Variants in PHGDH observed in about 807,000 individuals in gnomAD.
PHGDH encodes phosphoglycerate dehydrogenase.
A neutral mutation model predicts 52.6 loss-of-function variants in PHGDH; 50 were observed. That is an observed-to-expected ratio of 0.95 (90% confidence interval 0.76 to 1.20). The LOEUF is 1.20. Among genes scored for constraint, PHGDH ranks in the 50% most tolerant of loss-of-function variants. The probability of loss-of-function intolerance (pLI) is 0.00; values close to 1 mark genes in which losing one functional copy is unlikely to be tolerated. For synonymous variants in PHGDH, 271 were observed against 280.5 expected (o/e 0.97, Z 0.34); for missense variants, 630 against 684.6 (o/e 0.92, Z 0.89).
intron 11 of PHGDH, 30 bp from the exon 12 acceptor site, chr1:119,743,856 G>A: frequency 6.3e-7 from 1 of 1,599,020 alleles, no homozygotes; most frequent in South Asian, 1.1e-5. Flanking sequence ...CCTATCCCCT[G>A]TGCCAACCAG....
chr1:119,717,864 A>G (rs1650999608), intron 1 of PHGDH, among the ~76,000 whole-genome samples: 1 of 152,164 alleles, frequency 6.6e-6, no homozygotes, highest in Non-Finnish European at 1.5e-5. Flanking sequence ...ATTTTCAGGC[A>G]TGTGAAGTGT....
At chr1:119,718,220 G>T (rs1450027310) in intron 1 of PHGDH, among the ~76,000 whole-genome samples, 1 of 152,200 alleles carries the variant, frequency 6.6e-6, no homozygotes, top group Non-Finnish European at 1.5e-5. Flanking sequence ...GTATTTGGAA[G>T]GTAGTTGGAA....
At chr1:119,728,468 A>G (rs1651545608) in intron 5 of PHGDH, among the ~76,000 whole-genome samples, 2 of 152,196 alleles carry the variant, frequency 1.3e-5, no homozygotes, top group African/African-American at 2.4e-5. Context: ...TGTAGAGCCT[A>G]TGGTGGCTGG....
At chr1:119,734,531 A>T in intron 5 of PHGDH, 103 bp from the exon 6 acceptor site, 1 of 1,030,404 alleles carries the variant, frequency 9.7e-7, no homozygotes, top group East Asian at 2.4e-5. Context: ...TGAGCATGGT[A>T]GTTAGTATAT....
At chr1:119,716,748 T>A (rs1053591142) in intron 1 of PHGDH, among the ~76,000 whole-genome samples, 10 of 152,118 alleles carry the variant, frequency 6.6e-5, no homozygotes, top group Non-Finnish European at 1.5e-4. Context: ...GGAGGTTGTG[T>A]TTCCTCAGTG....
In PHGDH at chr1:119,737,968, C is replaced by T. The variant is rs182857010; in HGVS notation, c.945+702C>T. Reference sequence around the variant, plus strand: ...GGAGGCATAGCTCTCCTTCCAGGGGCTTGCTGCCTCCTTCTGAAGTCTTGC... The same window carrying T: ...GGAGGCATAGCTCTCCTTCCAGGGGTTTGCTGCCTCCTTCTGAAGTCTTGC... On this transcript the variant is annotated intron_variant, in intron 8 of 11. Coordinates refer to ENST00000641023, the MANE Select transcript of PHGDH (RefSeq NM_006623.4). Among the ~76,000 whole-genome samples, 6 of 152,288 alleles carry T rather than the reference C, an allele frequency of 3.9e-5. No individual in the cohort carries two copies. The East Asian group carries it at 9.7e-4, about 25-fold the overall frequency.
At chr1:119,733,347 T>TA (rs200026402) in intron 5 of PHGDH, among the ~76,000 whole-genome samples, 17 of 150,930 alleles carry the variant, frequency 1.1e-4, no homozygotes, top group African/African-American at 2.2e-4. Flanking sequence ...TTGTTTTATT[T>TA]TTTTTTTTTT....
chr1:119,716,561 G>A lies in PHGDH; in HGVS notation c.138+4401G>A, dbSNP rs113589710. Among the ~76,000 whole-genome samples the A allele has an allele frequency of 3.3e-3, 497 of 152,190 alleles. 3 individuals carry two copies. Among genetic ancestry groups the A allele is most frequent in the African/African-American group, 0.011 (473 of 41,504 alleles). ...GAAGGATGGACCCTTAAGGCCCAAG[G>A]GAGTGATTGGTAGAGCCTCTGGAGC... On this transcript the variant is annotated intron_variant, in intron 1 of 11. Transcript: ENST00000641023.
Position 119,740,524 on chromosome 1 carries a change from C to T in PHGDH, c.1078+6C>T. 1 of 1,563,100 alleles carries T rather than the reference C, an allele frequency of 6.4e-7. No individual in the cohort carries two copies. ...CATCCAGGTGATAACACAGGGTGAG[C>T]TGGGGACCTTGCAGAGGGAGGGGGA... On this transcript the variant is annotated splice_donor_region_variant and intron_variant, in intron 9 of 11. Transcript: ENST00000641023.
At chr1:119,724,606 G>A (rs1651320368) in intron 3 of PHGDH, 3 of 370,536 alleles carry the variant, frequency 8.1e-6, no homozygotes, top group South Asian at 6.4e-5. Context: ...TCTCCCCCTG[G>A]AGAAGTACAG....
chr1:119,740,123 GGCAGACAC>G (rs1026040051), intron 8 of PHGDH: 1 of 490,020 alleles, frequency 2.0e-6, no homozygotes, highest in Non-Finnish European at 3.8e-6. Flanking sequence ...AGGGGGCTGG[GGCAGACAC>G]AGTTTGCTGA....
In PHGDH at chr1:119,744,060, C is replaced by G. The variant is rs1652336221; in HGVS notation, c.*20C>G. ...TTCTAACCTTGGAGCTCACTGGTCC[C>G]TGCCTCTGGGGCTTTTCTGAAGAAA... On this transcript the variant is annotated 3_prime_UTR_variant, in exon 12 of 12. Transcript: ENST00000641023. 1 of 1,612,694 alleles carries G rather than the reference C, an allele frequency of 6.2e-7. No individual in the cohort carries two copies. Among genetic ancestry groups the G allele is most frequent in the South Asian group, 1.1e-5 (1 of 91,068 alleles).
intron 8 of PHGDH, among the ~76,000 whole-genome samples, chr1:119,739,079 A>G (rs894312367): frequency 5.9e-5 from 9 of 152,346 alleles, no homozygotes; most frequent in Middle Eastern, 3.4e-3. Flanking sequence ...ATTCTGTTCT[A>G]ACCTCAGACA....
rs616111 is a variant in PHGDH at position 119,727,368 on chromosome 1, C to G, written c.510+266C>G. ...CCCAGTGAACCAGGTGTTGATGGCTCTTTTGAGACTTTGGTTCCTGTCTTC... is the reference window on the plus strand; with the variant it reads ...CCCAGTGAACCAGGTGTTGATGGCTGTTTTGAGACTTTGGTTCCTGTCTTC... On this transcript the variant is annotated intron_variant, in intron 5 of 11. Coordinates refer to ENST00000641023, the MANE Select transcript of PHGDH (RefSeq NM_006623.4). 0.65 allele frequency: 336,910 copies of G among 518,114 alleles called. 112,423 individuals carry two copies. The highest frequency in any genetic ancestry group is 0.93 in the East Asian group (26,608 of 28,700). 32.1% of individuals were successfully genotyped at this position (518,114 alleles called of 1,614,324 possible).
At chr1:119,741,664 C>A in intron 9 of PHGDH, 103 bp from the exon 10 acceptor site, 1 of 1,061,308 alleles carries the variant, frequency 9.4e-7, no homozygotes, top group Non-Finnish European at 1.5e-6. Flanking sequence ...GTCCCCAGGG[C>A]AGCGAGGAGC....
Position 119,742,806 on chromosome 1 carries a change from G to A in PHGDH, c.1210-1G>A. 1 of 1,594,298 alleles carries A rather than the reference G, an allele frequency of 6.3e-7. No individual in the cohort carries two copies. The highest frequency in any genetic ancestry group is 8.6e-7 in the Non-Finnish European group (1 of 1,166,782). On this transcript the variant is annotated splice_acceptor_variant, in intron 10 of 11. Transcript: ENST00000641023. LOFTEE classifies it high-confidence loss of function. ...ACAGTCACCTTGCCTTCTCCACACA[G>A]GTCACCACCTCCCACAGCCCTGCTG...
At chr1:119,742,332 C>G (rs1253079425) in intron 10 of PHGDH, 1 of 358,182 alleles carries the variant, frequency 2.8e-6, no homozygotes, top group Non-Finnish European at 5.3e-6. Flanking sequence ...CCCTCTGGTT[C>G]CCTGTTTAGA....
chr1:119,728,995 G>A (rs1651573421), intron 5 of PHGDH, among the ~76,000 whole-genome samples: 1 of 152,106 alleles, frequency 6.6e-6, no homozygotes, highest in Non-Finnish European at 1.5e-5. Context: ...TATGCCTAAG[G>A]ACTCATAGCA....
chr1:119,712,313 G>A (rs587661939), intron 1 of PHGDH, among the ~76,000 whole-genome samples, 153 bp downstream of exon 1: 1 of 152,320 alleles, frequency 6.6e-6, no homozygotes, highest in South Asian at 2.1e-4. Flanking sequence ...ACGGGGGCGG[G>A]AGGAGGCAGA....
Sources: gnomAD v4.1 joint callset for allele counts (sites outside exome capture counted in the v4.1 genomes callset) on GRCh38, gnomAD v4.1.1 for gene constraint, MANE v1.5 for transcripts, NCBI Gene and HGNC (gene_info 2026-07-23, HGNC 2026-07-21) for gene names.